The following MYRIP variants were observed in gnomAD, a reference collection of about 807,000 sequenced individuals.
MYRIP encodes rab effector MyRIP.
In MYRIP, 49 loss-of-function variants were observed where a neutral mutation model predicts 98.0. The ratio of observed to expected loss-of-function variants is 0.50; its 90% confidence interval spans 0.40 to 0.63. The LOEUF (loss-of-function observed/expected upper bound fraction) is 0.63, where lower values mean the gene tolerates loss of function less well. Ranked by LOEUF, MYRIP falls within the 30% of genes least tolerant of loss-of-function variation. MYRIP has a pLI of 0.00. For missense variants in MYRIP, 1,004 were observed against 1,058.2 expected, an observed-to-expected ratio of 0.95 and a Z score of 0.71; for synonymous variants, 404 against 409.5, an observed-to-expected ratio of 0.99 and a Z score of 0.16.
intron 1 of MYRIP, among the ~76,000 whole-genome samples, chr3:39,877,507 C>A (rs1943032797): frequency 6.6e-6 from 1 of 152,096 alleles, no homozygotes; most frequent in Non-Finnish European, 1.5e-5. Context: ...TGGTGATGTG[C>A]AGATGGGTTT....
At chr3:40,079,845 CT>C (rs1948436074) in intron 3 of MYRIP, among the ~76,000 whole-genome samples, 1 of 152,188 alleles carries the variant, frequency 6.6e-6, no homozygotes, top group Non-Finnish European at 1.5e-5. Flanking sequence ...CTTTGACTAT[CT>C]GTGAAGCATA....
chr3:40,079,673 A>G (rs1467613373), intron 3 of MYRIP, among the ~76,000 whole-genome samples: 1 of 152,232 alleles, frequency 6.6e-6, no homozygotes, highest in Non-Finnish European at 1.5e-5. Flanking sequence ...AGCCTTTGCA[A>G]AAACCAACAC....
chr3:39,984,776 G>A (rs946565008), intron 2 of MYRIP, among the ~76,000 whole-genome samples: 1 of 151,918 alleles, frequency 6.6e-6, no homozygotes, highest in Non-Finnish European at 1.5e-5. Flanking sequence ...GGTATTTCCA[G>A]TTCTAGATCC....
intron 2 of MYRIP, among the ~76,000 whole-genome samples, chr3:39,966,602 C>T (rs147367291): frequency 2.0e-5 from 3 of 152,120 alleles, no homozygotes; most frequent in African/African-American, 4.8e-5. Flanking sequence ...AGTGTAGTAC[C>T]CTGTAGCCAT....
At chr3:40,211,363 G>A (rs1333785024) in intron 11 of MYRIP, among the ~76,000 whole-genome samples, 1 of 152,186 alleles carries the variant, frequency 6.6e-6, no homozygotes, top group Non-Finnish European at 1.5e-5. Context: ...CTGGGGTCCT[G>A]TGGAGGATGA....
rs1272551336 is a variant in MYRIP, at chr3:39,954,111, A to G, written c.110+53185A>G. 2.6e-5 allele frequency among the ~76,000 whole-genome samples: 4 copies of G among 152,296 alleles called. No individual in the cohort carries two copies. In the East Asian group the frequency reaches 7.7e-4, roughly 29 times the overall value. On this transcript the variant is annotated intron_variant, in intron 2 of 16. Coordinates refer to ENST00000302541, the MANE Select transcript of MYRIP (RefSeq NM_015460.4). ...GGCATAGCTAAACAAAAGGCAGCAG[A>G]AATTTCTGCAGACTTAAAATGTCCC...
At chr3:40,032,570 C>T (rs1947284972) in intron 2 of MYRIP, among the ~76,000 whole-genome samples, 2 of 151,948 alleles carry the variant, frequency 1.3e-5, no homozygotes, top group African/African-American at 4.8e-5. Flanking sequence ...GAAATTGTGG[C>T]AATAATCAAT....
At chr3:39,910,558 A>AT (rs1943996481) in intron 2 of MYRIP, among the ~76,000 whole-genome samples, 1 of 152,218 alleles carries the variant, frequency 6.6e-6, no homozygotes, top group Non-Finnish European at 1.5e-5. Context: ...TCTTATCCAA[A>AT]TTGGGGTGTA....
chr3:39,964,486 A>G (rs866832485), intron 2 of MYRIP, among the ~76,000 whole-genome samples: 1 of 152,294 alleles, frequency 6.6e-6, no homozygotes, highest in Admixed American at 6.5e-5. Context: ...ATTAGTTATT[A>G]GGTTACTATA....
intron 2 of MYRIP, among the ~76,000 whole-genome samples, chr3:39,933,163 A>G (rs1944579229): frequency 6.6e-6 from 1 of 152,186 alleles, no homozygotes; most frequent in Non-Finnish European, 1.5e-5. Flanking sequence ...CCTTTCGTGC[A>G]GGGTTTGACA....
At chr3:40,004,701 G>T (rs1014673104) in intron 2 of MYRIP, among the ~76,000 whole-genome samples, 15 of 152,136 alleles carry the variant, frequency 9.9e-5, no homozygotes, top group African/African-American at 3.4e-4. Flanking sequence ...TCATAGCTTA[G>T]CTCCCACTTA....
At chr3:40,177,855 T>C (rs1160028302) in intron 8 of MYRIP, among the ~76,000 whole-genome samples, 1 of 152,180 alleles carries the variant, frequency 6.6e-6, no homozygotes, top group Non-Finnish European at 1.5e-5. Flanking sequence ...TGTCTGGCTT[T>C]CTCTGTTCTC....
intron 2 of MYRIP, among the ~76,000 whole-genome samples, chr3:40,022,929 C>A (rs1203641203): frequency 6.6e-6 from 1 of 152,094 alleles, no homozygotes; most frequent in Non-Finnish European, 1.5e-5. Flanking sequence ...AAGAGACTGG[C>A]AGTTACAGAT....
At chr3:40,237,984 TC>T (rs1952868492) in intron 12 of MYRIP, among the ~76,000 whole-genome samples, 1 of 152,236 alleles carries the variant, frequency 6.6e-6, no homozygotes, top group Admixed American at 6.5e-5. Context: ...ATGTTTTTTT[TC>T]CTTTGGGTTC....
chr3:39,973,605 C>T (rs1945660448), intron 2 of MYRIP, among the ~76,000 whole-genome samples: 1 of 152,144 alleles, frequency 6.6e-6, no homozygotes, highest in African/African-American at 2.4e-5. Flanking sequence ...ATACGTTCTT[C>T]TCAGCACCAC....
intron 1 of MYRIP, among the ~76,000 whole-genome samples, chr3:39,880,954 C>T (rs925649656): frequency 6.6e-6 from 1 of 151,994 alleles, no homozygotes; most frequent in African/African-American, 2.4e-5. Flanking sequence ...TTGTCTCTTT[C>T]TATATCTCTT....
At chr3:40,046,731 C>T (rs1039789356) in intron 3 of MYRIP, among the ~76,000 whole-genome samples, 1 of 151,536 alleles carries the variant, frequency 6.6e-6, no homozygotes, top group Non-Finnish European at 1.5e-5. Flanking sequence ...GAAGAATTGG[C>T]GTTTGATCTT....
Position 40,212,225 on chromosome 3 carries a change from T to C in MYRIP, c.1905+2132T>C, listed in dbSNP as rs1015526016. ...ATATACGTGTGTGTATATATATATA[T>C]ACACACACACACACACACACATATA... On this transcript the variant is annotated intron_variant, in intron 11 of 16. Coordinates refer to ENST00000302541, the MANE Select transcript of MYRIP (RefSeq NM_015460.4). 1.6e-3 allele frequency among the ~76,000 whole-genome samples: 121 copies of C among 76,904 alleles called. 37 individuals are homozygous for C. Among genetic ancestry groups the C allele is most frequent in the South Asian group, 0.014 (35 of 2,542 alleles). The allele number at this position is 76,904 out of a possible 152,430, so 50.5% of individuals were successfully genotyped here. A position where few individuals can be genotyped will look rare whatever the true frequency, so the allele number is the denominator to read the frequency against.
rs993453587 is a variant in MYRIP at position 40,246,372 on chromosome 3, T to G, written c.2262+1765T>G. Among the ~76,000 whole-genome samples the G allele has an allele frequency of 4.0e-5, 6 of 151,686 alleles. No individual in the cohort carries two copies. The East Asian group carries it at 1.2e-3, about 29-fold the overall frequency. ...TTCTTGTGAATCTGCCCATTGCACATGAAAAGGAGGGGTAAAGGGAATGGT... is the reference window on the plus strand; with the variant it reads ...TTCTTGTGAATCTGCCCATTGCACAGGAAAAGGAGGGGTAAAGGGAATGGT... On this transcript the variant is annotated intron_variant, in intron 13 of 16. Coordinates refer to ENST00000302541, the MANE Select transcript of MYRIP (RefSeq NM_015460.4).
Sources: allele counts gnomAD v4.1 joint callset (sites outside exome capture counted in the v4.1 genomes callset), GRCh38; gene constraint gnomAD v4.1.1; transcripts MANE v1.5; gene names NCBI Gene and HGNC (gene_info 2026-07-23, HGNC 2026-07-21).